The following NIBAN3 variants were observed in gnomAD, a reference collection of about 807,000 sequenced individuals.
NIBAN3 encodes the protein niban apoptosis regulator 3.
Under a neutral mutation model 76.4 loss-of-function variants are expected in NIBAN3, and 66 were observed. The observed-to-expected ratio is 0.86, with a 90% CI of 0.71 to 1.06. The LOEUF is 1.06. Among genes scored for constraint, NIBAN3 ranks in the 50% least tolerant of loss-of-function variants. NIBAN3 has a pLI of 0.00. For missense variants in NIBAN3, 808 were observed against 810.7 expected (o/e 1.00, Z 0.04); for synonymous variants, 360 against 355.2 (o/e 1.01, Z -0.15).
intron 2 of NIBAN3, 101 bp from the exon 3 acceptor site, chr19:17,532,162 G>A: frequency 7.1e-7 from 1 of 1,406,710 alleles, no homozygotes; most frequent in Non-Finnish European, 9.5e-7. Context: ...GGCATCACGG[G>A]ACCTTAGCGT....
At chr19:17,539,103 C>A in intron 5 of NIBAN3, 47 bp from the exon 6 acceptor site, 1 of 1,491,460 alleles carries the variant, frequency 6.7e-7, no homozygotes, top group Non-Finnish European at 9.0e-7. Context: ...CCATCGGGAG[C>A]CAGGCAGGGG....
At chr19:17,540,866 T>A (rs1486413299) in intron 9 of NIBAN3, among the ~76,000 whole-genome samples, 1 of 152,186 alleles carries the variant, frequency 6.6e-6, no homozygotes, top group Non-Finnish European at 1.5e-5. Context: ...CCCAAGTAGC[T>A]GGAAATACAG....
intron 2 of NIBAN3, among the ~76,000 whole-genome samples, chr19:17,531,814 G>T (rs1008851289): frequency 6.6e-6 from 1 of 152,164 alleles, no homozygotes; most frequent in African/African-American, 2.4e-5. Context: ...GATTACAAGC[G>T]TGAGCGCCTG....
Position 17,539,208 on chromosome 19 carries a change from C to T in NIBAN3, c.654C>T (p.Tyr218=), listed in dbSNP as rs763981724. ...CCTTCCTGGACGCCGTCCGACTCTA[C>T]CGGCAGCACCAAGGCCACTTTGGCG... ...ARAFLDAVRL[Y]RQHQGHFGDD... The change falls in exon 6 of 15, where the codon TAC becomes TAT. Residue 218 remains tyrosine, a synonymous_variant. Coordinates refer to ENST00000599164, the MANE Select transcript of NIBAN3 (RefSeq NM_001321827.2). 2.5e-6 allele frequency: 4 copies of T among 1,608,666 alleles called. No homozygotes were observed. The highest frequency in any genetic ancestry group is 2.7e-5 in the African/African-American group (2 of 74,862).
intron 9 of NIBAN3, among the ~76,000 whole-genome samples, 166 bp from the exon 10 acceptor site, chr19:17,541,970 C>T (rs1477091330): frequency 1.3e-5 from 2 of 152,128 alleles, no homozygotes; most frequent in Admixed American, 6.6e-5. Flanking sequence ...AGGTGTGAGC[C>T]ACCATGCCTG....
At chr19:17,539,111 G>T in intron 5 of NIBAN3, 39 bp from the exon 6 acceptor site, 2 of 1,519,910 alleles carry the variant, frequency 1.3e-6, no homozygotes, top group South Asian at 1.2e-5. Flanking sequence ...AGCCAGGCAG[G>T]GGAGCTACCA....
In NIBAN3 at chr19:17,553,124, T is replaced by G. The variant is rs868302682; in HGVS notation, c.*1226T>G. 227 of 760,002 alleles carry G rather than the reference T, an allele frequency of 3.0e-4. No individual in the cohort carries two copies. The Middle Eastern group carries it at 4.9e-3, about 17-fold the overall frequency. The allele number at this position is 760,002 out of a possible 1,614,324, so 47.1% of individuals were successfully genotyped here. A position where few individuals can be genotyped will look rare whatever the true frequency, so the allele number is the denominator to read the frequency against. On this transcript the variant is annotated 3_prime_UTR_variant, in exon 15 of 15. Transcript: ENST00000599164. ...GATTAGCCATTTACATGTTTGTAGT[T>G]TTTTTTTTTTTAATTTCAGTGAATT... is the stretch of plus-strand genomic sequence containing the variant.
chr19:17,543,403 G>T lies in NIBAN3; in HGVS notation c.1416G>T (p.Arg472Ser), dbSNP rs1461737054. The T allele has an allele frequency of 1.9e-6, 3 of 1,612,328 alleles. No individual in the cohort carries two copies. The highest frequency in any genetic ancestry group is 1.3e-5 in the African/African-American group (1 of 74,910). ...TCAACTGTGACCAGGCTGCCCAGAG[G>T]CTGGAGAGAGTCAGGGGGCGCGTGC... Reference protein sequence around the residue: ...TALNCDQAAQRLERVRGRVLK... With the variant: ...TALNCDQAAQSLERVRGRVLK... Residue 472 changes from arginine to serine, a missense_variant, in exon 11 of 15, where the codon AGG becomes AGT. By Grantham distance (110) the Arg-to-Ser change is moderately radical. Coordinates refer to ENST00000599164, the MANE Select transcript of NIBAN3 (RefSeq NM_001321827.2).
chr19:17,534,169 C>T (rs2075782422), intron 4 of NIBAN3, among the ~76,000 whole-genome samples: 1 of 152,066 alleles, frequency 6.6e-6, no homozygotes, highest in Non-Finnish European at 1.5e-5. Flanking sequence ...CACTGCACTC[C>T]AGCCTGGGCA....
intron 5 of NIBAN3, among the ~76,000 whole-genome samples, chr19:17,538,923 T>A (rs1465427776): frequency 6.6e-6 from 1 of 152,240 alleles, no homozygotes; most frequent in Non-Finnish European, 1.5e-5. Flanking sequence ...TGGCCTGAAC[T>A]GCTGGTCACG....
downstream of NIBAN3, among the ~76,000 whole-genome samples, chr19:17,554,650 C>T (rs1160365242): frequency 1.3e-5 from 2 of 149,752 alleles, no homozygotes; most frequent in African/African-American, 2.5e-5. Context: ...CGTGGTGGCG[C>T]GTGCCTGTAG....
chr19:17,555,181 A>C (rs116762324), downstream of NIBAN3, among the ~76,000 whole-genome samples: 99 of 152,252 alleles, frequency 6.5e-4, no homozygotes, highest in African/African-American at 2.2e-3. Flanking sequence ...CGGGGACTGA[A>C]TGTGACGCCA....
At chr19:17,554,312 T>C (rs1170036092), downstream of NIBAN3, among the ~76,000 whole-genome samples, 1 of 151,918 alleles carries the variant, frequency 6.6e-6, no homozygotes, top group Non-Finnish European at 1.5e-5. Flanking sequence ...AGACTCCATC[T>C]CTACAAAAAA....
At chr19:17,546,936 G>C (rs2076066691) in intron 13 of NIBAN3, 139 bp downstream of exon 13, 1 of 1,113,150 alleles carries the variant, frequency 9.0e-7, no homozygotes. Context: ...GCCTGAGGAG[G>C]TCCAGGGTAG....
In NIBAN3 at chr19:17,553,628, C is replaced by T. The variant is rs938694928; in HGVS notation, c.*1730C>T. The T allele has an allele frequency of 2.2e-6, 3 of 1,387,168 alleles. No homozygotes were observed. The highest frequency in any genetic ancestry group is 2.8e-5 in the African/African-American group (2 of 70,304). 85.9% of individuals were successfully genotyped at this position (1,387,168 alleles called of 1,614,324 possible). ...CCTTCCGAAATACATTTGCTCAATA[C>T]ATTTGCACTTCATAGGCTTCTTTAG... On this transcript the variant is annotated 3_prime_UTR_variant, in exon 15 of 15. Transcript: ENST00000599164.
At chr19:17,530,672 C>G (rs2144677070) in intron 1 of NIBAN3, 83 bp from the exon 2 acceptor site, 1 of 1,409,798 alleles carries the variant, frequency 7.1e-7, no homozygotes, top group East Asian at 2.6e-5. Flanking sequence ...CCCCAGGTGG[C>G]TTCCCTGTCT....
At chr19:17,533,351 G>A (rs1935486183) in intron 3 of NIBAN3, 2 of 414,514 alleles carry the variant, frequency 4.8e-6, no homozygotes, top group Non-Finnish European at 4.3e-6. Flanking sequence ...TGGAGGTTGC[G>A]GTGAGCTGAG....
At chr19:17,531,326 A>AACAT (rs1361774407) in intron 2 of NIBAN3, among the ~76,000 whole-genome samples, 55 of 129,100 alleles carry the variant, frequency 4.3e-4, no homozygotes, top group African/African-American at 1.4e-3. Flanking sequence ...GACTCTGTCA[A>AACAT]ACACACACAC....
At chr19:17,537,677 G>C (rs889927990) in intron 5 of NIBAN3, 134 bp downstream of exon 5, 1 of 789,658 alleles carries the variant, frequency 1.3e-6, no homozygotes, top group South Asian at 2.0e-5. Flanking sequence ...CAGGTGTGGT[G>C]GTTCATGCCT....
Sources: gnomAD v4.1 joint callset for allele counts (sites outside exome capture counted in the v4.1 genomes callset) on GRCh38, gnomAD v4.1.1 for gene constraint, MANE v1.5 for transcripts, NCBI Gene and HGNC (gene_info 2026-07-23, HGNC 2026-07-21) for gene names.